Variants in SCFD2 observed in about 807,000 individuals in gnomAD.
SCFD2 encodes the protein sec1 family domain-containing protein 2.
A neutral mutation model predicts 58.9 loss-of-function variants in SCFD2; 54 were observed. That is an observed-to-expected ratio of 0.92 (90% CI 0.74 to 1.15). The LOEUF (loss-of-function observed/expected upper bound fraction) is 1.15, where lower values mean the gene tolerates loss of function less well. SCFD2 is among the 50% of genes most tolerant of loss of function. SCFD2 has a pLI of 0.00. For synonymous variants in SCFD2, 321 were observed against 335.9 expected, an observed-to-expected ratio of 0.96 and a Z score of 0.49; for missense variants, 805 against 836.6, an observed-to-expected ratio of 0.96 and a Z score of 0.47.
chr4:53,111,377 C>T (rs113639651), intron 5 of SCFD2, among the ~76,000 whole-genome samples: 27 of 152,060 alleles, frequency 1.8e-4, no homozygotes, highest in African/African-American at 4.8e-4. Context: ...AGTAATAAGA[C>T]GTACTGTTAC....
At position 52,979,068 on chromosome 4, in the gene SCFD2, G is replaced by C. The variant is rs963440859; in HGVS notation, c.1562-58198C>G. ...GCCAACACACCAGGCCTTTTTTTGG[G>C]GGGGGGAGTAGTTAAGAGCAAGATA... is the stretch of plus-strand genomic sequence containing the variant. On this transcript the variant is annotated intron_variant, in intron 5 of 8. Coordinates refer to ENST00000401642, the MANE Select transcript of SCFD2 (RefSeq NM_152540.4). 1.3e-4 allele frequency among the ~76,000 whole-genome samples: 19 copies of C among 150,382 alleles called. 1 individual carries two copies. The East Asian group carries it at 2.9e-3, about 23-fold the overall frequency.
At chr4:53,268,387 G>A (rs1464259378) in intron 4 of SCFD2, among the ~76,000 whole-genome samples, 1 of 152,142 alleles carries the variant, frequency 6.6e-6, no homozygotes, top group Non-Finnish European at 1.5e-5. Context: ...AAGGGATGGG[G>A]AGACTAGAGG....
chr4:53,016,883 C>T (rs867094549), intron 5 of SCFD2, among the ~76,000 whole-genome samples: 2 of 152,122 alleles, frequency 1.3e-5, no homozygotes, highest in Non-Finnish European at 2.9e-5. Flanking sequence ...CCAAGGCAGG[C>T]GGATCACAAG....
chr4:53,027,582 T>C (rs1722508821), intron 5 of SCFD2, among the ~76,000 whole-genome samples: 2 of 152,116 alleles, frequency 1.3e-5, no homozygotes, highest in African/African-American at 4.8e-5. Context: ...AATTCCAGCA[T>C]GTTGGGAGGC....
chr4:53,330,098 A>G (rs995421995), intron 2 of SCFD2, among the ~76,000 whole-genome samples: 2 of 152,174 alleles, frequency 1.3e-5, no homozygotes, highest in Non-Finnish European at 2.9e-5. Flanking sequence ...GACTATGTGA[A>G]AAGACCAAAT....
chr4:53,255,994 C>A (rs1236371039), intron 4 of SCFD2, among the ~76,000 whole-genome samples: 1 of 148,028 alleles, frequency 6.8e-6, no homozygotes, highest in Non-Finnish European at 1.5e-5. Context: ...CCCTCCCAGA[C>A]GGGGCGGCTG....
chr4:53,251,388 C>T (rs570434519), intron 4 of SCFD2, among the ~76,000 whole-genome samples: 2 of 152,266 alleles, frequency 1.3e-5, no homozygotes, highest in South Asian at 2.1e-4. Flanking sequence ...TTTTATGAGG[C>T]CAGCAGCATC....
At chr4:53,215,170 T>C (rs1012717280) in intron 4 of SCFD2, among the ~76,000 whole-genome samples, 1 of 152,106 alleles carries the variant, frequency 6.6e-6, no homozygotes, top group African/African-American at 2.4e-5. Context: ...TTTAAAGTAG[T>C]TTTTTCCAAT....
Position 53,103,719 on chromosome 4 carries a change from C to A in SCFD2, c.1561+41614G>T, listed in dbSNP as rs547982928. Among the ~76,000 whole-genome samples the A allele has an allele frequency of 5.9e-5, 7 of 118,810 alleles. No homozygotes were observed. In the Admixed American group the frequency reaches 6.8e-4, roughly 11 times the overall value. 77.9% of individuals were successfully genotyped at this position (118,810 alleles called of 152,430 possible). On this transcript the variant is annotated intron_variant, in intron 5 of 8. Transcript: ENST00000401642. ...GAAATAGCTGATTCTAGGACAAAGG[C>A]AGGAAATATACATGAGTCTGGGTCT...
intron 4 of SCFD2, among the ~76,000 whole-genome samples, chr4:53,206,653 T>A (rs1424233992): frequency 6.6e-6 from 1 of 152,252 alleles, no homozygotes; most frequent in African/African-American, 2.4e-5. Context: ...CCTATACATG[T>A]ATCACTGACA....
chr4:52,967,774 C>T (rs1049011734), intron 5 of SCFD2, among the ~76,000 whole-genome samples: 4 of 152,150 alleles, frequency 2.6e-5, no homozygotes, highest in South Asian at 2.1e-4. Flanking sequence ...CTGAGCCATG[C>T]CTGAGCTTGT....
intron 4 of SCFD2, among the ~76,000 whole-genome samples, chr4:53,206,019 AATT>A: frequency 6.6e-6 from 1 of 152,292 alleles, no homozygotes; most frequent in South Asian, 2.1e-4. Flanking sequence ...TATCAGTACT[AATT>A]ATTATTACAC....
intron 4 of SCFD2, among the ~76,000 whole-genome samples, chr4:53,192,197 C>G: frequency 6.6e-6 from 1 of 152,126 alleles, no homozygotes; most frequent in Non-Finnish European, 1.5e-5. Flanking sequence ...CACTAGGCAC[C>G]TGTTTTCAGG....
intron 4 of SCFD2, among the ~76,000 whole-genome samples, chr4:53,250,978 C>G (rs192220258): frequency 2.0e-4 from 31 of 151,892 alleles, no homozygotes; most frequent in African/African-American, 7.2e-4. Flanking sequence ...AAAAGATCAA[C>G]AAACTTGATA....
intron 4 of SCFD2, among the ~76,000 whole-genome samples, chr4:53,231,367 G>A (rs1211474759): frequency 6.6e-6 from 1 of 152,062 alleles, no homozygotes; most frequent in Non-Finnish European, 1.5e-5. Context: ...ATGGCGTCTG[G>A]TGTCTAATAG....
intron 2 of SCFD2, among the ~76,000 whole-genome samples, chr4:53,338,879 C>T (rs1034007170): frequency 4.6e-5 from 7 of 151,848 alleles, no homozygotes; most frequent in Admixed American, 2.0e-4. Context: ...CGCGCCTGGC[C>T]GAAAGCAGTA....
chr4:53,043,532 A>T (rs1238349688), intron 5 of SCFD2, among the ~76,000 whole-genome samples: 1 of 152,206 alleles, frequency 6.6e-6, no homozygotes, highest in Non-Finnish European at 1.5e-5. Flanking sequence ...AATAATAATT[A>T]TCTGGAACAA....
At chr4:53,201,760 T>C (rs1043647084) in intron 4 of SCFD2, among the ~76,000 whole-genome samples, 3 of 152,194 alleles carry the variant, frequency 2.0e-5, no homozygotes, top group Non-Finnish European at 4.4e-5. Flanking sequence ...TTGATTTGCA[T>C]TTCTCTGATG....
intron 4 of SCFD2, among the ~76,000 whole-genome samples, chr4:53,250,369 A>G (rs1277646080): frequency 6.6e-6 from 1 of 152,136 alleles, no homozygotes; most frequent in African/African-American, 2.4e-5. Context: ...TTAACACCCC[A>G]CTGTCAACAT....
Sources: allele counts gnomAD v4.1 joint callset (sites outside exome capture counted in the v4.1 genomes callset), GRCh38; gene constraint gnomAD v4.1.1; transcripts MANE v1.5; gene names NCBI Gene and HGNC (gene_info 2026-07-23, HGNC 2026-07-21).